Variants in NFATC1 observed in about 807,000 individuals in gnomAD.
NFATC1 encodes nuclear factor of activated T-cells, cytoplasmic 1.
Under a neutral mutation model 76.0 loss-of-function variants are expected in NFATC1, and 22 were observed. The ratio of observed to expected loss-of-function variants is 0.29; its 90% CI spans 0.21 to 0.41. NFATC1 has a LOEUF of 0.41. Among genes scored for constraint, NFATC1 ranks in the 10% least tolerant of loss-of-function variants. The probability of loss-of-function intolerance (pLI) is 1.00; values close to 1 mark genes in which losing one functional copy is unlikely to be tolerated. For missense variants in NFATC1, 1,357 were observed against 1,337.7 expected (o/e 1.01, Z -0.23); for synonymous variants, 704 against 613.1 (o/e 1.15, Z -2.19).
intron 8 of NFATC1, chr18:79,470,974 G>C (rs1274813871): frequency 6.6e-6 from 1 of 152,264 alleles, no homozygotes. Flanking sequence ...CCCATGAACG[G>C]AGTGGGCATA....
intron 2 of NFATC1, among the ~76,000 whole-genome samples, chr18:79,430,111 G>A (rs2086538067): frequency 6.6e-6 from 1 of 152,202 alleles, no homozygotes; most frequent in African/African-American, 2.4e-5. Flanking sequence ...ACGACAAAAT[G>A]GCCTAAGGAC....
At chr18:79,403,834 C>T (rs1324588836) in intron 1 of NFATC1, among the ~76,000 whole-genome samples, 1 of 152,238 alleles carries the variant, frequency 6.6e-6, no homozygotes, top group African/African-American at 2.4e-5. Flanking sequence ...CCGGGGTGTC[C>T]GTGGCTGGTC....
chr18:79,402,408 C>T (rs1020988564), intron 1 of NFATC1: 1 of 984,916 alleles, frequency 1.0e-6, no homozygotes, highest in Non-Finnish European at 1.2e-6. Flanking sequence ...TCCCCGGCAC[C>T]CACCGGGCTC....
chr18:79,464,370 C>T (rs1394086758), intron 7 of NFATC1, among the ~76,000 whole-genome samples: 6 of 152,114 alleles, frequency 3.9e-5, no homozygotes, highest in Admixed American at 1.3e-4. Flanking sequence ...GCTGGGATTA[C>T]AGGCGTGAGC....
intron 7 of NFATC1, among the ~76,000 whole-genome samples, chr18:79,462,838 T>C (rs2088190581): frequency 6.6e-6 from 1 of 152,118 alleles, no homozygotes; most frequent in Non-Finnish European, 1.5e-5. Flanking sequence ...CGGGGAGTCT[T>C]GTGCACCCAC....
chr18:79,509,038 C>G (rs555407099), intron 9 of NFATC1, among the ~76,000 whole-genome samples: 1 of 152,216 alleles, frequency 6.6e-6, no homozygotes, highest in Non-Finnish European at 1.5e-5. Flanking sequence ...GTGCTTCTTG[C>G]AGTGTCCTGT....
chr18:79,467,637 T>G (rs1240853180), intron 8 of NFATC1, 55 bp downstream of exon 8: 10 of 1,599,960 alleles, frequency 6.3e-6, no homozygotes, highest in Non-Finnish European at 6.8e-6. Flanking sequence ...GGGTGCTTTT[T>G]CTAAAGACGC....
chr18:79,501,605 CCA>C (rs1277624822), intron 9 of NFATC1, among the ~76,000 whole-genome samples: 1 of 101,530 alleles, frequency 9.8e-6, no homozygotes, highest in Admixed American at 1.3e-4. Flanking sequence ...TGCCTACACC[CCA>C]CCCCCCCTCC....
rs416217 is a variant in NFATC1 at position 79,510,895 on chromosome 18, G to A, written c.2783-16633G>A. 7.3e-5 allele frequency among the ~76,000 whole-genome samples: 11 copies of A among 150,560 alleles called. No individual in the cohort carries two copies. The East Asian group carries it at 1.2e-3, about 16-fold the overall frequency. ...GGCATCTTCCGCCGGGGCATCCTCC[G>A]CCGGGACATCCTCCACCGGGGGCTC... On this transcript the variant is annotated intron_variant, in intron 9 of 9. Transcript: ENST00000427363.
At chr18:79,435,824 G>C (rs866457728) in intron 3 of NFATC1, among the ~76,000 whole-genome samples, 7 of 152,244 alleles carry the variant, frequency 4.6e-5, no homozygotes, top group Non-Finnish European at 8.8e-5. Context: ...GGAGAGGCTG[G>C]CTCTGCGTTT....
rs1025102274 is a variant in NFATC1 at position 79,524,543 on chromosome 18, C to T, written c.2783-2985C>T. Among the ~76,000 whole-genome samples, 1 of 152,210 alleles carries T rather than the reference C, an allele frequency of 6.6e-6. No homozygotes were observed. The highest frequency in any genetic ancestry group is 2.4e-5 in the African/African-American group (1 of 41,456). On this transcript the variant is annotated intron_variant, in intron 9 of 9. Coordinates refer to ENST00000427363, the MANE Select transcript of NFATC1 (RefSeq NM_001278669.2). The surrounding 1 kb of genome is among the most constrained non-coding windows in gnomAD (Gnocchi z 7.2). ...AGCGTCTGAGACCTTGTGGAACACACTTGACCCGGCGCTGGGACGGGGTCG... is the reference window on the plus strand; with the variant it reads ...AGCGTCTGAGACCTTGTGGAACACATTTGACCCGGCGCTGGGACGGGGTCG...
intron 1 of NFATC1, among the ~76,000 whole-genome samples, chr18:79,409,171 T>C (rs2085554711): frequency 1.2e-5 from 1 of 82,566 alleles, no homozygotes; most frequent in African/African-American, 3.0e-5. Flanking sequence ...TCCATCATCA[T>C]CCATCCATCA....
intron 1 of NFATC1, among the ~76,000 whole-genome samples, chr18:79,400,064 C>T (rs906827558): frequency 6.6e-6 from 1 of 151,936 alleles, no homozygotes; most frequent in Non-Finnish European, 1.5e-5. Flanking sequence ...ACCCCCGGGT[C>T]CGGAGGAGCC....
At chr18:79,475,152 C>G (rs955251159) in intron 8 of NFATC1, among the ~76,000 whole-genome samples, 1 of 148,108 alleles carries the variant, frequency 6.8e-6, no homozygotes, top group African/African-American at 2.6e-5. Context: ...GAAGCATGTT[C>G]TCACACTCAC....
At chr18:79,521,424 T>A (rs796271035) in intron 9 of NFATC1, among the ~76,000 whole-genome samples, 27 of 85,180 alleles carry the variant, frequency 3.2e-4, no homozygotes, top group East Asian at 4.6e-4. Context: ...GGGCATCCAC[T>A]GATGTGTGTG....
At chr18:79,477,584 C>T (rs904488022) in intron 8 of NFATC1, among the ~76,000 whole-genome samples, 14 of 149,262 alleles carry the variant, frequency 9.4e-5, no homozygotes, top group South Asian at 2.1e-4. Context: ...GAAGGGAGTC[C>T]GGGGCACTGT....
At chr18:79,526,402 G>A (rs955755425) in intron 9 of NFATC1, among the ~76,000 whole-genome samples, 25 of 152,268 alleles carry the variant, frequency 1.6e-4, no homozygotes, top group Non-Finnish European at 3.5e-4. Flanking sequence ...CTCTGAGCAG[G>A]GCCTGCGGGG....
intron 1 of NFATC1, among the ~76,000 whole-genome samples, chr18:79,397,957 G>C (rs1025961069): frequency 2.0e-5 from 3 of 152,240 alleles, no homozygotes; most frequent in African/African-American, 7.2e-5. Context: ...CAGCCGGAAA[G>C]TGTGATCTAG....
chr18:79,434,640 CA>C (rs960624265), intron 3 of NFATC1, among the ~76,000 whole-genome samples: 3 of 152,226 alleles, frequency 2.0e-5, no homozygotes, highest in African/African-American at 7.2e-5. Context: ...ACCCCAACAG[CA>C]AAAAACCGGG....
Sources: gnomAD v4.1 joint callset for allele counts (sites outside exome capture counted in the v4.1 genomes callset) on GRCh38, gnomAD v4.1.1 for gene constraint, Gnocchi (gnomAD v3.1) non-coding constraint, MANE v1.5 for transcripts, NCBI Gene and HGNC (gene_info 2026-07-23, HGNC 2026-07-21) for gene names.